Variants in PPP2R2C observed in about 807,000 individuals in gnomAD.
PPP2R2C encodes the protein protein phosphatase 2, regulatory subunit B, gamma.
In PPP2R2C, 10 loss-of-function variants were observed where a neutral mutation model predicts 45.3. The observed-to-expected ratio is 0.22, with a 90% CI of 0.14 to 0.37. The LOEUF (loss-of-function observed/expected upper bound fraction) is 0.37. Among genes scored for constraint, PPP2R2C ranks in the 10% least tolerant of loss-of-function variants. The probability of loss-of-function intolerance (pLI) is 1.00; values close to 1 mark genes in which losing one functional copy is unlikely to be tolerated. For synonymous variants in PPP2R2C, 257 were observed against 245.4 expected (o/e 1.05, Z -0.44); for missense variants, 308 against 619.7 (o/e 0.50, Z 5.34).
At chr4:6,419,456 GAGAAA>G (rs1233734319) in intron 1 of PPP2R2C, among the ~76,000 whole-genome samples, 3 of 151,652 alleles carry the variant, frequency 2.0e-5, no homozygotes, top group South Asian at 4.2e-4. Flanking sequence ...AAGAAAAGAA[GAGAAA>G]AGAAAAGAAA....
At chr4:6,382,806 T>C in intron 1 of PPP2R2C, 1 of 987,630 alleles carries the variant, frequency 1.0e-6, no homozygotes, top group Non-Finnish European at 1.3e-6. Context: ...CCACAGCTCT[T>C]TCTCCCTGGC....
chr4:6,398,250 A>G (rs1328747975), intron 1 of PPP2R2C, among the ~76,000 whole-genome samples: 1 of 150,222 alleles, frequency 6.7e-6, no homozygotes, highest in Non-Finnish European at 1.5e-5. Flanking sequence ...AAAATGGACA[A>G]ACTGAACTTT....
chr4:6,538,023 C>T (rs997830856), intron 1 of PPP2R2C, among the ~76,000 whole-genome samples: 6 of 151,924 alleles, frequency 3.9e-5, no homozygotes, highest in African/African-American at 7.3e-5. Flanking sequence ...AAAGCTCCGG[C>T]GATGGGTCGT....
At chr4:6,513,646 A>G (rs1297820449) in intron 2 of PPP2R2C, among the ~76,000 whole-genome samples, 1 of 152,214 alleles carries the variant, frequency 6.6e-6, no homozygotes, top group Non-Finnish European at 1.5e-5. Flanking sequence ...CAGGTCAGGT[A>G]TGAGGGTGAA....
At chr4:6,498,063 C>T (rs1185070790) in intron 2 of PPP2R2C, among the ~76,000 whole-genome samples, 5 of 152,244 alleles carry the variant, frequency 3.3e-5, no homozygotes, top group African/African-American at 1.2e-4. Flanking sequence ...CCAGCAATTT[C>T]TCTCCAGTAA....
intron 1 of PPP2R2C, among the ~76,000 whole-genome samples, chr4:6,451,904 G>C (rs763437174): frequency 6.6e-6 from 1 of 152,108 alleles, no homozygotes; most frequent in Non-Finnish European, 1.5e-5. Context: ...CCCCCAAGAA[G>C]GGCCTGGCTA....
chr4:6,538,230 G>T (rs1724694632), intron 1 of PPP2R2C, among the ~76,000 whole-genome samples: 1 of 152,076 alleles, frequency 6.6e-6, no homozygotes, highest in Non-Finnish European at 1.5e-5. Flanking sequence ...TGAATGACTT[G>T]TCTCAGGTCC....
intron 6 of PPP2R2C, among the ~76,000 whole-genome samples, chr4:6,344,982 A>G (rs1481851000): frequency 6.6e-6 from 1 of 152,212 alleles, no homozygotes; most frequent in East Asian, 1.9e-4. Context: ...AAGTTTTCCT[A>G]ATACTTCAAG....
intron 1 of PPP2R2C, among the ~76,000 whole-genome samples, chr4:6,554,581 C>T (rs886935315): frequency 4.6e-5 from 7 of 152,072 alleles, no homozygotes; most frequent in Non-Finnish European, 1.0e-4. Flanking sequence ...GCTCACTGGC[C>T]GGGCACAGTG....
chr4:6,422,951 G>A (rs1244816899), intron 1 of PPP2R2C, among the ~76,000 whole-genome samples: 1 of 152,152 alleles, frequency 6.6e-6, no homozygotes, highest in Non-Finnish European at 1.5e-5. Flanking sequence ...AGTGCCAGCA[G>A]CATGCCATAT....
At chr4:6,518,648 T>G (rs1304901302) in intron 2 of PPP2R2C, among the ~76,000 whole-genome samples, 1 of 151,718 alleles carries the variant, frequency 6.6e-6, no homozygotes, top group Admixed American at 6.6e-5. Context: ...ATGGCCCAGG[T>G]GTGGTGGCTC....
chr4:6,558,078 C>T (rs991105920), intron 1 of PPP2R2C, among the ~76,000 whole-genome samples: 1 of 152,168 alleles, frequency 6.6e-6, no homozygotes, highest in Non-Finnish European at 1.5e-5. Flanking sequence ...CAGCCCCTGG[C>T]GGTGAGACTT....
chr4:6,542,483 CAGG>C (rs1455793388), intron 1 of PPP2R2C, among the ~76,000 whole-genome samples: 1 of 152,096 alleles, frequency 6.6e-6, no homozygotes, highest in Non-Finnish European at 1.5e-5. Context: ...CACCTGAAGT[CAGG>C]AGTTCAAGAC....
intron 6 of PPP2R2C, among the ~76,000 whole-genome samples, chr4:6,334,197 C>T (rs1352800422): frequency 6.6e-6 from 1 of 152,176 alleles, no homozygotes; most frequent in Non-Finnish European, 1.5e-5. Flanking sequence ...CAGTAGTTAT[C>T]TCTGTTCATG....
chr4:6,383,208 G>C, intron 1 of PPP2R2C: 1 of 1,191,498 alleles, frequency 8.4e-7, no homozygotes, highest in Non-Finnish European at 1.1e-6. Context: ...GCCCCTGAGG[G>C]GGAGGAGGAA....
At chr4:6,365,256 AAC>A (rs1714186740) in intron 5 of PPP2R2C, among the ~76,000 whole-genome samples, 1 of 152,218 alleles carries the variant, frequency 6.6e-6, no homozygotes, top group South Asian at 2.1e-4. Flanking sequence ...CTGGAGTAAG[AAC>A]CCAGGGGTCC....
intron 5 of PPP2R2C, among the ~76,000 whole-genome samples, chr4:6,365,261 A>AG (rs1389241773): frequency 6.6e-6 from 1 of 152,200 alleles, no homozygotes; most frequent in African/African-American, 2.4e-5. Flanking sequence ...GTAAGAACCC[A>AG]GGGGTCCAGA....
At chr4:6,540,419 G>A (rs1191236180) in intron 1 of PPP2R2C, among the ~76,000 whole-genome samples, 1 of 152,154 alleles carries the variant, frequency 6.6e-6, no homozygotes, top group Non-Finnish European at 1.5e-5. Flanking sequence ...TTCCTTTTTA[G>A]GGCTGTATAA....
rs1713461464 is a variant in PPP2R2C, at chr4:6,358,736, C to T, written c.626-10726G>A. On this transcript the variant is annotated intron_variant, in intron 5 of 8. Transcript: ENST00000382599. ...AAGACATTTATGCAGCCAACAGACACATGAAAAGATGCTATCATCACTGGT... is the reference window on the plus strand; with the variant it reads ...AAGACATTTATGCAGCCAACAGACATATGAAAAGATGCTATCATCACTGGT... Among the ~76,000 whole-genome samples, 2 of 152,182 alleles carry T rather than the reference C, an allele frequency of 1.3e-5. 1 individual carries two copies. The highest frequency in any genetic ancestry group is 4.1e-4 in the South Asian group (2 of 4,834).
Sources: allele counts gnomAD v4.1 joint callset (sites outside exome capture counted in the v4.1 genomes callset), GRCh38; gene constraint gnomAD v4.1.1; transcripts MANE v1.5; gene names NCBI Gene and HGNC (gene_info 2026-07-23, HGNC 2026-07-21).